Variants in ZNF813 observed in about 807,000 individuals in gnomAD.
ZNF813 encodes zinc finger protein 813.
In ZNF813, 3 loss-of-function variants were observed where a neutral mutation model predicts 7.2. The ratio of observed to expected loss-of-function variants is 0.42; its 90% confidence interval spans 0.19 to 1.08. The LOEUF is 1.08. Among genes scored for constraint, ZNF813 ranks in the 50% least tolerant of loss-of-function variants. ZNF813 has a pLI of 0.30. For missense variants in ZNF813, 714 were observed against 753.3 expected (o/e 0.95, Z 0.61); for synonymous variants, 227 against 256.3 (o/e 0.89, Z 1.09).
chr19:53,470,365 T>TA (rs34997684), intron 1 of ZNF813, among the ~76,000 whole-genome samples: 26,481 of 130,284 alleles, frequency 0.2, 2,115 homozygotes, highest in African/African-American at 0.3. Flanking sequence ...TGAATGCATA[T>TA]TTTTTTTTTA....
intron 1 of ZNF813, among the ~76,000 whole-genome samples, chr19:53,472,138 T>A (rs930911641): frequency 1.3e-5 from 2 of 152,130 alleles, no homozygotes; most frequent in Non-Finnish European, 2.9e-5. Flanking sequence ...TGGAGACATG[T>A]ATGGGGTAAC....
chr19:53,472,319 A>G (rs1484308340), intron 1 of ZNF813, among the ~76,000 whole-genome samples: 3 of 152,124 alleles, frequency 2.0e-5, no homozygotes, highest in Non-Finnish European at 4.4e-5. Flanking sequence ...GTCCCAGGGG[A>G]CAAGGTGGCA....
chr19:53,468,219 G>GCCCCCCCC lies in ZNF813; in HGVS notation c.-74+436_-74+443dup, dbSNP rs34920971. On this transcript the variant is annotated intron_variant, in intron 1 of 3. Coordinates refer to ENST00000396403, the MANE Select transcript of ZNF813 (RefSeq NM_001004301.4). ...CACCCTTGTCTTAAGGCGCCCTCGC[G>GCCCCCCCC]CCCCCCCCCCCCCACCTCCCTCCTC... is the stretch of plus-strand genomic sequence containing the variant. Among the ~76,000 whole-genome samples, 14 of 52,964 alleles carry GCCCCCCCC rather than the reference G, an allele frequency of 2.6e-4. 1 individual carries two copies. The highest frequency in any genetic ancestry group is 3.5e-4 in the Admixed American group (2 of 5,796). The allele number at this position is 52,964 out of a possible 152,430, so 34.7% of individuals were successfully genotyped here. A position where few individuals can be genotyped will look rare whatever the true frequency, so the allele number is the denominator to read the frequency against.
intron 1 of ZNF813, among the ~76,000 whole-genome samples, chr19:53,480,616 A>G (rs1406915128): frequency 2.0e-5 from 3 of 152,154 alleles, no homozygotes; most frequent in African/African-American, 7.2e-5. Flanking sequence ...CAGAAGTTTG[A>G]TTATTTCAGT....
intron 1 of ZNF813, among the ~76,000 whole-genome samples, chr19:53,471,190 G>T (rs1039544951): frequency 3.3e-5 from 5 of 152,104 alleles, no homozygotes; most frequent in African/African-American, 7.2e-5. Flanking sequence ...GAAGAAACAT[G>T]GTCTAATTGT....
At chr19:53,480,179 G>A (rs1345900434) in intron 1 of ZNF813, 1 of 758,212 alleles carries the variant, frequency 1.3e-6, no homozygotes, top group South Asian at 1.3e-5. Flanking sequence ...CTTTACCTGA[G>A]GGCTGATCTT....
intron 1 of ZNF813, among the ~76,000 whole-genome samples, chr19:53,480,955 A>G (rs1309756594): frequency 1.3e-5 from 2 of 152,238 alleles, no homozygotes; most frequent in Non-Finnish European, 2.9e-5. Context: ...GGAGGCTGCA[A>G]AAGACCCAAG....
chr19:53,486,981 GTTT>G (rs67693797), intron 3 of ZNF813, among the ~76,000 whole-genome samples: 1 of 86,064 alleles, frequency 1.2e-5, no homozygotes, highest in Non-Finnish European at 2.5e-5. Flanking sequence ...TACTTTTTTA[GTTT>G]TTTTTTTTTT....
Position 53,495,967 on chromosome 19 carries a change from T to G in ZNF813, c.*3881T>G. On this transcript the variant is annotated 3_prime_UTR_variant, in exon 4 of 4. Transcript: ENST00000396403. ...ATTCCATTCCCCCAGTGGATTCAGA[T>G]CAAAACTGGTAATAAAATCAGGTAC... 2.7e-6 allele frequency: 1 copy of G among 370,614 alleles called. No individual in the cohort carries two copies. Among genetic ancestry groups the G allele is most frequent in the Non-Finnish European group, 5.2e-6 (1 of 191,020 alleles). 23.0% of individuals were successfully genotyped at this position (370,614 alleles called of 1,614,324 possible).
intron 1 of ZNF813, among the ~76,000 whole-genome samples, chr19:53,468,819 G>T (rs1054533225): frequency 1.3e-5 from 2 of 151,952 alleles, no homozygotes; most frequent in African/African-American, 2.4e-5. Context: ...TCCATTCCCA[G>T]GGACCAGCAG....
At chr19:53,478,128 A>G (rs67002430) in intron 1 of ZNF813, among the ~76,000 whole-genome samples, 22,529 of 152,000 alleles carry the variant, frequency 0.15, 1,687 homozygotes, top group Middle Eastern at 0.23. Context: ...ATGAAGTGGG[A>G]AAAAAATGAC....
In ZNF813 at chr19:53,491,851, A is replaced by G. The variant is rs751505585; in HGVS notation, c.1619A>G (p.His540Arg). 31 of 1,611,758 alleles carry G rather than the reference A, an allele frequency of 1.9e-5. No individual in the cohort carries two copies. The highest frequency in any genetic ancestry group is 2.5e-5 in the Non-Finnish European group (29 of 1,179,000). The change falls in exon 4 of 4, where the codon CAT becomes CGT. Residue 540 changes from histidine to arginine, a missense_variant. This residue lies in a region of ZNF813 where 122 missense variants were observed against 146.8 expected (regional missense o/e 0.83). Transcript: ENST00000396403. ...KVFNRKTHLA[H>R]HHRLHTGDKP... Reference sequence around the variant, plus strand: ...TTTAATCGAAAAACACACCTTGCACATCATCATAGACTTCATACTGGAGAT... The same window carrying G: ...TTTAATCGAAAAACACACCTTGCACGTCATCATAGACTTCATACTGGAGAT...
intron 1 of ZNF813, among the ~76,000 whole-genome samples, chr19:53,472,607 C>CTTTTTTTTTTTTTTTTTTTTTTTTTTTT (rs200658542): frequency 7.3e-6 from 1 of 136,462 alleles, no homozygotes; most frequent in African/African-American, 2.8e-5. Flanking sequence ...AAGTACAAGT[C>CTTTTTTTTTTTTTTTTTTTTTTTTTTTT]TTTCTTTTTT....
chr19:53,477,991 C>T (rs1344408065), intron 1 of ZNF813, among the ~76,000 whole-genome samples: 17 of 152,066 alleles, frequency 1.1e-4, no homozygotes, highest in Admixed American at 1.1e-3. Context: ...AAGGCATGTA[C>T]ATTGTATAAA....
Position 53,490,763 on chromosome 19 carries a change from C to T in ZNF813, c.531C>T (p.Ser177=). 1 of 1,614,130 alleles carries T rather than the reference C, an allele frequency of 6.2e-7. No individual in the cohort carries two copies. Among genetic ancestry groups the T allele is most frequent in the Non-Finnish European group, 8.5e-7 (1 of 1,180,018 alleles). Residue 177 remains serine (S), a synonymous_variant, in exon 4 of 4, where the codon TCC becomes TCT. Transcript: ENST00000396403. ...ACGATGCTTCCTCAATTTCAACATC[C>T]CAAAGAATTTCTTGTAGGCCCAAAA... ...SINDASSIST[S]QRISCRPKTH...
intron 1 of ZNF813, among the ~76,000 whole-genome samples, chr19:53,473,154 A>G (rs866378800): frequency 2.4e-4 from 36 of 152,344 alleles, no homozygotes; most frequent in Non-Finnish European, 4.0e-4. Flanking sequence ...GCACAACGAC[A>G]GAACAATAAT....
rs58474905 is a variant in ZNF813 at position 53,492,876 on chromosome 19, C to CAG, written c.*790_*791insAG. 1 of 482,696 alleles carries CAG rather than the reference C, an allele frequency of 2.1e-6. No homozygotes were observed. The highest frequency in any genetic ancestry group is 4.3e-6 in the Non-Finnish European group (1 of 234,660). The allele number at this position is 482,696 out of a possible 1,614,324, so 29.9% of individuals were successfully genotyped here. On this transcript the variant is annotated 3_prime_UTR_variant, in exon 4 of 4. Transcript: ENST00000396403. Reference sequence around the variant, plus strand: ...GAATTCATACAGGAGAGAAACCTCACGTGTGATGATTGTGGCAAAGCCTTT... The same window carrying CAG: ...GAATTCATACAGGAGAGAAACCTCACAGGTGTGATGATTGTGGCAAAGCCTTT...
intron 1 of ZNF813, among the ~76,000 whole-genome samples, chr19:53,475,715 G>A (rs548558589): frequency 1.1e-4 from 16 of 152,324 alleles, no homozygotes; most frequent in African/African-American, 2.6e-4. Context: ...AAGGCAAAGA[G>A]GCCATCTTAA....
At position 53,483,738 on chromosome 19, in the gene ZNF813, T is replaced by C; in HGVS notation, c.-73-12T>C. The C allele has an allele frequency of 6.2e-6, 10 of 1,604,524 alleles. No homozygotes were observed. The East Asian group carries it at 2.0e-4, about 32-fold the overall frequency. ...GATTCTGAGCAATAAACAACATATT[T>C]CTAACATTCAGGATTGACTTCTAAA... On this transcript the variant is annotated splice_polypyrimidine_tract_variant and intron_variant, in intron 1 of 3. Coordinates refer to ENST00000396403, the MANE Select transcript of ZNF813 (RefSeq NM_001004301.4).
Sources: allele counts gnomAD v4.1 joint callset (sites outside exome capture counted in the v4.1 genomes callset), GRCh38; gene constraint gnomAD v4.1.1; regional missense constraint gnomAD v4.1.1; transcripts MANE v1.5; gene names NCBI Gene and HGNC (gene_info 2026-07-23, HGNC 2026-07-21).